Variants in TNFAIP2 observed in about 807,000 individuals in gnomAD.
The protein encoded by TNFAIP2 is TNF alpha induced protein 2.
Under a neutral mutation model 63.5 loss-of-function variants are expected in TNFAIP2, and 47 were observed. The observed-to-expected ratio is 0.74, with a 90% CI of 0.59 to 0.94. TNFAIP2 has a LOEUF of 0.94. TNFAIP2 is among the 40% of genes least tolerant of loss of function. The probability of loss-of-function intolerance (pLI) is 0.00; values close to 1 mark genes in which losing one functional copy is unlikely to be tolerated. For missense variants in TNFAIP2, 787 were observed against 850.2 expected (o/e 0.93, Z 0.92); for synonymous variants, 405 against 390.2 (o/e 1.04, Z -0.45).
chr14:103,132,602 C>G, intron 8 of TNFAIP2, 148 bp from the exon 9 acceptor site: 1 of 1,246,340 alleles, frequency 8.0e-7, no homozygotes. Flanking sequence ...TGAGGTTGGC[C>G]CGGGTTCCCT....
In TNFAIP2 at chr14:103,135,214, G is replaced by T. The variant is rs1349430922; in HGVS notation, c.1824-5G>T. On this transcript the variant is annotated splice_region_variant and splice_polypyrimidine_tract_variant and intron_variant, in intron 11 of 11. Transcript: ENST00000560869. This position sits in a 1 kb window ranked among gnomAD's most constrained non-coding sequence, Gnocchi z 7.6. ...GCTGGGCTGACAGGATGCTCTCTTT[G>T]CCAGCAAAGGCCACCTGAGCGCTAT... 1.2e-6 allele frequency: 2 copies of T among 1,613,638 alleles called. No individual in the cohort carries two copies. The highest frequency in any genetic ancestry group is 1.7e-6 in the Non-Finnish European group (2 of 1,180,002).
In TNFAIP2 at chr14:103,131,757, C is replaced by T; in HGVS notation, c.1417C>T (p.Leu473=). The T allele has an allele frequency of 6.2e-7, 1 of 1,611,458 alleles. No homozygotes were observed. Among genetic ancestry groups the T allele is most frequent in the Non-Finnish European group, 8.5e-7 (1 of 1,179,184 alleles). ...CCTGCTCCAGAACCTGCATGAGGAC[C>T]TGAAGGTAGCGGGAGCCTCTTGCCC... ...DTLLQNLHED[L]KPLFKRFTHT... Residue 473 remains leucine, a synonymous_variant, in exon 8 of 12, where the codon CTG becomes TTG. Transcript: ENST00000560869. This position sits in a 1 kb window ranked among gnomAD's most constrained non-coding sequence, Gnocchi z 4.0.
At position 103,126,626 on chromosome 14, in the gene TNFAIP2, C is replaced by A; in HGVS notation, c.169C>A (p.Pro57Thr). Residue 57 changes from proline (P) to threonine (T), a missense_variant, in exon 2 of 12, where the codon CCC (proline) becomes ACC (threonine). Transcript: ENST00000560869. ...FTKGKKKKGQ[P>T]SSAEPEDAAG... ...CAAAGGGAAGAAGAAGAAGGGTCAG[C>A]CCAGCTCAGCGGAGCCCGAGGACGC... The A allele has an allele frequency of 1.3e-6, 2 of 1,554,316 alleles. No homozygotes were observed. The highest frequency in any genetic ancestry group is 1.2e-5 in the South Asian group (1 of 84,350).
At chr14:103,132,384 C>T (rs1040895498) in intron 8 of TNFAIP2, among the ~76,000 whole-genome samples, 3 of 152,128 alleles carry the variant, frequency 2.0e-5, no homozygotes, top group Non-Finnish European at 2.9e-5. Context: ...GGTGGAAGCC[C>T]GAGCGGTGAC....
Position 103,126,565 on chromosome 14 carries a change from G to A in TNFAIP2, c.108G>A (p.Lys36=), listed in dbSNP as rs1336075314. ...AAKKKKEKKK[K]SKGLANVFCV... ...AGAAGAAGAAGGAGAAGAAGAAGAAGTCCAAAGGCCTGGCCAATGTGTTCT... is the reference window on the plus strand; with the variant it reads ...AGAAGAAGAAGGAGAAGAAGAAGAAATCCAAAGGCCTGGCCAATGTGTTCT... The change falls in exon 2 of 12, where the codon AAG becomes AAA. Residue 36 remains lysine (K), a synonymous_variant. Transcript: ENST00000560869. 2 of 1,558,668 alleles carry A rather than the reference G, an allele frequency of 1.3e-6. No individual in the cohort carries two copies. Among genetic ancestry groups the A allele is most frequent in the East Asian group, 2.4e-5 (1 of 41,782 alleles).
rs200173638 is a variant in TNFAIP2 at position 103,131,061 on chromosome 14, C to T, written c.1209C>T (p.Arg403=). The T allele has an allele frequency of 4.3e-4, 686 of 1,614,042 alleles. No individual in the cohort carries two copies. Among genetic ancestry groups the T allele is most frequent in the Non-Finnish European group, 5.2e-4 (619 of 1,180,026 alleles). Residue 403 remains arginine (R), a synonymous_variant, in exon 7 of 12, where the codon CGC becomes CGT. Transcript: ENST00000560869. The surrounding 1 kb of genome is among the most constrained non-coding windows in gnomAD (Gnocchi z 4.0). ...CTTCTGGTTTCGCCAGCTACCAGCG[C>T]GCCTTTAATGAATTTCTGGAGAGAG... is the stretch of plus-strand genomic sequence containing the variant. ...ELPAFLRSYQ[R]AFNEFLERGK...
chr14:103,133,018 G>T, intron 9 of TNFAIP2, 146 bp downstream of exon 9: 5 of 1,359,048 alleles, frequency 3.7e-6, no homozygotes, highest in Non-Finnish European at 5.0e-6. Context: ...GTGAACACGT[G>T]CACATGTGAA....
chr14:103,135,085 G>C lies in TNFAIP2; in HGVS notation c.1824-134G>C. 9.2e-7 allele frequency: 1 copy of C among 1,091,834 alleles called. No individual in the cohort carries two copies. Among genetic ancestry groups the C allele is most frequent in the Non-Finnish European group, 1.4e-6 (1 of 734,398 alleles). The allele number at this position is 1,091,834 out of a possible 1,614,324, so 67.6% of individuals were successfully genotyped here. A position where few individuals can be genotyped will look rare whatever the true frequency, so the allele number is the denominator to read the frequency against. Reference sequence around the variant, plus strand: ...ACCATCAGGTGGAGGGCATGGGTGAGGGAGAGTGAAGTGCAGCCCCCTCGT... The same window carrying C: ...ACCATCAGGTGGAGGGCATGGGTGACGGAGAGTGAAGTGCAGCCCCCTCGT... On this transcript the variant is annotated intron_variant, in intron 11 of 11. Coordinates refer to ENST00000560869, the MANE Select transcript of TNFAIP2 (RefSeq NM_006291.4). The surrounding 1 kb of genome is among the most constrained non-coding windows in gnomAD (Gnocchi z 7.6).
intron 9 of TNFAIP2, 21 bp from the exon 10 acceptor site, chr14:103,133,341 C>G: frequency 1.2e-6 from 2 of 1,610,604 alleles, no homozygotes; most frequent in Non-Finnish European, 1.7e-6. Flanking sequence ...CTCACACGCC[C>G]CTGGCTGCTT....
At position 103,127,453 on chromosome 14, in the gene TNFAIP2, G is replaced by A. The variant is rs1263628126; in HGVS notation, c.684G>A (p.Leu228=). Residue 228 remains leucine (L), a synonymous_variant, in exon 3 of 12, where the codon CTG becomes CTA. Transcript: ENST00000560869. The surrounding 1 kb of genome is among the most constrained non-coding windows in gnomAD (Gnocchi z 5.1). ...TGGGCCGCACCATGAAGGAGGACCT[G>A]GAGGCCGTGGTGGAGCGGCTGAAGC... is the stretch of plus-strand genomic sequence containing the variant. ...LHLGRTMKED[L]EAVVERLKPL... The A allele has an allele frequency of 6.3e-7, 1 of 1,588,598 alleles. No homozygotes were observed. Among genetic ancestry groups the A allele is most frequent in the Non-Finnish European group, 8.5e-7 (1 of 1,175,596 alleles).
Position 103,137,021 on chromosome 14 carries a change from A to T in TNFAIP2, c.*1661A>T, listed in dbSNP as rs2088106960. On this transcript the variant is annotated 3_prime_UTR_variant, in exon 12 of 12. Transcript: ENST00000560869. ...ATTCTGCCCACCGCACCCTCCGTTC[A>T]TCCCCTGCCCTGCCGGGCACCTCGC... The T allele has an allele frequency of 6.6e-6, 1 of 151,600 alleles. No individual in the cohort carries two copies. Among genetic ancestry groups the T allele is most frequent in the Non-Finnish European group, 1.5e-5 (1 of 67,900 alleles). 9.4% of individuals were successfully genotyped at this position (151,600 alleles called of 1,614,324 possible).
At chr14:103,124,091 G>GC (rs762767797) in intron 1 of TNFAIP2, 140 bp downstream of exon 1, 515 of 152,822 alleles carry the variant, frequency 3.4e-3, no homozygotes, top group Admixed American at 6.1e-3. Context: ...TCAAAGGAAC[G>GC]CCCCTCCTCC....
chr14:103,133,590 G>A, intron 10 of TNFAIP2, 73 bp downstream of exon 10: 1 of 1,580,406 alleles, frequency 6.3e-7, no homozygotes, highest in Non-Finnish European at 8.6e-7. Flanking sequence ...TTCAGGGTCG[G>A]AGATAGGCCG....
In TNFAIP2 at chr14:103,135,378, C is replaced by A. The variant is rs577519621; in HGVS notation, c.*18C>A. The A allele has an allele frequency of 5.7e-5, 90 of 1,587,276 alleles. 1 individual carries two copies. The South Asian group carries it at 9.4e-4, about 17-fold the overall frequency. Reference sequence around the variant, plus strand: ...TTGGTTAGCTTTTCCTGTGGCCTGACCTGCCTGTGAGTGCCCAGCAAGCCT... The same window carrying A: ...TTGGTTAGCTTTTCCTGTGGCCTGAACTGCCTGTGAGTGCCCAGCAAGCCT... On this transcript the variant is annotated 3_prime_UTR_variant, in exon 12 of 12. Transcript: ENST00000560869. This position sits in a 1 kb window ranked among gnomAD's most constrained non-coding sequence, Gnocchi z 7.6.
chr14:103,126,539 AAGAAGAAGAAGG>A lies in TNFAIP2; in HGVS notation c.94_105del (p.Glu32_Lys35del). The A allele has an allele frequency of 5.1e-6, 8 of 1,569,562 alleles. No individual in the cohort carries two copies. Among genetic ancestry groups the A allele is most frequent in the Non-Finnish European group, 6.9e-6 (8 of 1,157,336 alleles). ...ATATAGGGAGGAGGAAGAGGCGGCG[AAGAAGAAGAAGG>A]AGAAGAAGAAGAAGTCCAAAGGCCT... On this transcript the variant is annotated inframe_deletion, in exon 2 of 12. Coordinates refer to ENST00000560869, the MANE Select transcript of TNFAIP2 (RefSeq NM_006291.4).
At chr14:103,129,591 C>G (rs776775867) in intron 3 of TNFAIP2, 149 bp from the exon 4 acceptor site, 4 of 646,542 alleles carry the variant, frequency 6.2e-6, no homozygotes, top group South Asian at 1.9e-5. Flanking sequence ...GAGGACCCAT[C>G]ATCTGAAATG....
chr14:103,128,822 G>A (rs2087913070), intron 3 of TNFAIP2, among the ~76,000 whole-genome samples: 1 of 152,226 alleles, frequency 6.6e-6, no homozygotes, highest in Non-Finnish European at 1.5e-5. Context: ...ACCCCTGCCT[G>A]CCAGTCTTTC....
chr14:103,133,349 C>A lies in TNFAIP2; in HGVS notation c.1546-13C>A. ...CAGACAGCTCACACGCCCCTGGCTG[C>A]TTGCCCTCCCAGGAGCTCATGGAGG... On this transcript the variant is annotated splice_polypyrimidine_tract_variant and intron_variant, in intron 9 of 11. Coordinates refer to ENST00000560869, the MANE Select transcript of TNFAIP2 (RefSeq NM_006291.4). 1 of 1,611,802 alleles carries A rather than the reference C, an allele frequency of 6.2e-7. No individual in the cohort carries two copies. The highest frequency in any genetic ancestry group is 8.5e-7 in the Non-Finnish European group (1 of 1,179,198).
At position 103,133,678 on chromosome 14, in the gene TNFAIP2, G is replaced by C; in HGVS notation, c.1702-4G>C. ...GGTCCCTCCAACCACACCCACTCCT[G>C]CAGGGCTCCCCGGCGACCTGGCTGC... On this transcript the variant is annotated splice_region_variant and splice_polypyrimidine_tract_variant and intron_variant, in intron 10 of 11. Coordinates refer to ENST00000560869, the MANE Select transcript of TNFAIP2 (RefSeq NM_006291.4). The C allele has an allele frequency of 6.4e-7, 1 of 1,560,820 alleles. No individual in the cohort carries two copies.
Sources: allele counts gnomAD v4.1 joint callset (sites outside exome capture counted in the v4.1 genomes callset), GRCh38; gene constraint gnomAD v4.1.1; non-coding constraint Gnocchi (gnomAD v3.1); transcripts MANE v1.5; gene names NCBI Gene and HGNC (gene_info 2026-07-23, HGNC 2026-07-21).